The following EYS variants were observed in gnomAD, a reference collection of about 807,000 sequenced individuals.
EYS encodes protein eyes shut homolog.
EYS carries 250 observed loss-of-function variants against 282.1 expected under a neutral mutation model. The observed-to-expected ratio is 0.89, with a 90% CI of 0.80 to 0.98. The LOEUF (loss-of-function observed/expected upper bound fraction) is 0.98. EYS is among the 50% of genes least tolerant of loss of function. The probability of loss-of-function intolerance (pLI) is 0.00; values close to 1 mark genes in which losing one functional copy is unlikely to be tolerated. For missense variants in EYS, 4,016 were observed against 3,709.0 expected (o/e 1.08, Z -2.15); for synonymous variants, 1,355 against 1,282.9 (o/e 1.06, Z -1.20).
chr6:64,420,341 G>A (rs932991843), intron 28 of EYS, among the ~76,000 whole-genome samples: 2 of 152,180 alleles, frequency 1.3e-5, no homozygotes, highest in Admixed American at 6.5e-5. Context: ...AGGTCTCTGA[G>A]CCTGTGTTGG....
chr6:63,921,881 A>C (rs1310101245), intron 35 of EYS, among the ~76,000 whole-genome samples: 4 of 152,236 alleles, frequency 2.6e-5, no homozygotes, highest in African/African-American at 9.6e-5. Context: ...AAAGACAAAA[A>C]ATGGCATTAT....
chr6:65,655,899 G>C (rs1412372878), intron 1 of EYS, among the ~76,000 whole-genome samples: 5 of 151,874 alleles, frequency 3.3e-5, no homozygotes, highest in Non-Finnish European at 5.9e-5. Flanking sequence ...GGCAGGGTTT[G>C]AGAGGATTGA....
intron 2 of EYS, among the ~76,000 whole-genome samples, chr6:65,593,760 T>C (rs941873229): frequency 9.2e-5 from 14 of 152,000 alleles, no homozygotes; most frequent in Admixed American, 7.9e-4. Flanking sequence ...TCTAATTATA[T>C]TTTGTCCTTC....
intron 35 of EYS, among the ~76,000 whole-genome samples, chr6:63,874,811 A>G (rs1772921728): frequency 6.6e-6 from 1 of 152,222 alleles, no homozygotes; most frequent in South Asian, 2.1e-4. Context: ...TGATTTTTGG[A>G]CATCGATTTT....
At chr6:64,146,902 T>C (rs1774536721) in intron 31 of EYS, among the ~76,000 whole-genome samples, 1 of 152,204 alleles carries the variant, frequency 6.6e-6, no homozygotes, top group Non-Finnish European at 1.5e-5. Context: ...TAAATATTTT[T>C]ATTTCCATTT....
At chr6:65,371,727 CTCTCTCTCTCTCTCTGTGTG>C (rs373369779) in intron 8 of EYS, among the ~76,000 whole-genome samples, 19,627 of 128,322 alleles carry the variant, frequency 0.15, 1,646 homozygotes, top group Middle Eastern at 0.22. Context: ...CTCTCTCTCT[CTCTCTCTCTCTCTCTGTGTG>C]TGTGTGTGTG....
At position 64,864,379 on chromosome 6, in the gene EYS, T is replaced by TA. The variant is rs367909770; in HGVS notation, c.2992+22317dup. On this transcript the variant is annotated intron_variant, in intron 19 of 42. Coordinates refer to ENST00000503581, the MANE Select transcript of EYS (RefSeq NM_001142800.2). ...AATTTTGAGAAATACAGAGGTGCTA[T>TA]ACCTTCTTTTTTTTTTTTTTTTTTT... Among the ~76,000 whole-genome samples the TA allele has an allele frequency of 4.1e-5, 5 of 121,562 alleles. 1 individual carries two copies. The highest frequency in any genetic ancestry group is 1.3e-4 in the African/African-American group (4 of 31,910). 79.7% of individuals were successfully genotyped at this position (121,562 alleles called of 152,430 possible). A position where few individuals can be genotyped will look rare whatever the true frequency, so the allele number is the denominator to read the frequency against.
chr6:64,286,675 T>C (rs1768514196), intron 30 of EYS, among the ~76,000 whole-genome samples: 1 of 152,184 alleles, frequency 6.6e-6, no homozygotes, highest in Non-Finnish European at 1.5e-5. Context: ...GTAGATTTCC[T>C]TTAACATGCT....
chr6:64,070,925 T>A (rs1279779249), intron 32 of EYS, among the ~76,000 whole-genome samples: 2 of 151,976 alleles, frequency 1.3e-5, no homozygotes, highest in African/African-American at 4.8e-5. Flanking sequence ...AACACAGTGA[T>A]TTTGACCTTC....
intron 12 of EYS, among the ~76,000 whole-genome samples, chr6:65,132,313 C>T (rs528890587): frequency 1.3e-5 from 2 of 151,934 alleles, no homozygotes; most frequent in East Asian, 3.9e-4. Context: ...AACCCCTCAA[C>T]AAAATACTTG....
rs1488768372 is a variant in EYS, at chr6:64,364,847, TTAC to T, written c.6078+23840_6078+23842del. ...AGGTACACTAAATGCTCAGACTTCA[TTAC>T]TGCACAATATATTCATGTAACACAA... On this transcript the variant is annotated intron_variant, in intron 29 of 42. Coordinates refer to ENST00000503581, the MANE Select transcript of EYS (RefSeq NM_001142800.2). 4.6e-5 allele frequency among the ~76,000 whole-genome samples: 7 copies of T among 152,042 alleles called. No homozygotes were observed. The East Asian group carries it at 9.7e-4, about 21-fold the overall frequency.
At chr6:64,433,451 T>C (rs1022308116) in intron 28 of EYS, among the ~76,000 whole-genome samples, 7 of 152,034 alleles carry the variant, frequency 4.6e-5, no homozygotes, top group Admixed American at 3.9e-4. Context: ...ATAAAATTAA[T>C]GGAGCTTCAC....
chr6:63,878,081 C>T (rs144134764), intron 35 of EYS, among the ~76,000 whole-genome samples: 1 of 152,186 alleles, frequency 6.6e-6, no homozygotes, highest in Non-Finnish European at 1.5e-5. Context: ...AGCTTTTCTG[C>T]TCTGGTTTCT....
intron 5 of EYS, among the ~76,000 whole-genome samples, chr6:65,431,277 C>A (rs141403289): frequency 6.6e-6 from 1 of 152,250 alleles, no homozygotes; most frequent in East Asian, 1.9e-4. Flanking sequence ...TTCCTTTACT[C>A]CTTAATATCA....
At chr6:64,575,382 A>G (rs960219780) in intron 26 of EYS, among the ~76,000 whole-genome samples, 16 of 152,138 alleles carry the variant, frequency 1.1e-4, no homozygotes, top group African/African-American at 3.6e-4. Flanking sequence ...AGAATTGAAA[A>G]CATAGAAAGG....
intron 22 of EYS, among the ~76,000 whole-genome samples, chr6:64,694,066 T>G (rs931373681): frequency 6.6e-6 from 1 of 152,158 alleles, no homozygotes; most frequent in Non-Finnish European, 1.5e-5. Flanking sequence ...CTTGTTTTGA[T>G]TTTTTTCTCT....
At chr6:63,906,563 G>A (rs1773783956) in intron 35 of EYS, among the ~76,000 whole-genome samples, 1 of 152,124 alleles carries the variant, frequency 6.6e-6, no homozygotes. Flanking sequence ...TAGTTTCTGT[G>A]TTAGAACTTA....
chr6:64,350,278 T>C (rs938507268), intron 29 of EYS, among the ~76,000 whole-genome samples: 19 of 151,402 alleles, frequency 1.3e-4, no homozygotes, highest in Non-Finnish European at 2.4e-4. Context: ...TTTAGATAAA[T>C]CTGAAAAAAA....
chr6:64,385,121 G>A (rs906033438), intron 29 of EYS, among the ~76,000 whole-genome samples: 1 of 152,148 alleles, frequency 6.6e-6, no homozygotes, highest in Non-Finnish European at 1.5e-5. Context: ...TGATTAGATA[G>A]AGCCTGCATG....
Sources: allele counts gnomAD v4.1 joint callset (sites outside exome capture counted in the v4.1 genomes callset), GRCh38; gene constraint gnomAD v4.1.1; transcripts MANE v1.5; gene names NCBI Gene and HGNC (gene_info 2026-07-23, HGNC 2026-07-21).